Variants in AKR1C8 observed in about 807,000 individuals in gnomAD.
The protein encoded by AKR1C8 is aldo-keto reductase family 1 member C8, also known as aldo-keto reductase family 1 member C-like protein 1.
At chr10:5,129,302 T>A in the AKR1C8 span, among the ~76,000 whole-genome samples, 2 of 152,040 alleles carry the variant, frequency 1.3e-5, no homozygotes, top group Non-Finnish European at 2.9e-5. Context: ...TTCATATCAT[T>A]AAATGCCTAC....
the AKR1C8 span, among the ~76,000 whole-genome samples, chr10:5,144,986 A>G: frequency 6.6e-6 from 1 of 151,790 alleles, no homozygotes; most frequent in South Asian, 2.1e-4. Flanking sequence ...TTGCCCATTC[A>G]GTATGATATT....
chr10:5,178,846 T>C, the AKR1C8 span, among the ~76,000 whole-genome samples: 1 of 152,128 alleles, frequency 6.6e-6, no homozygotes, highest in Admixed American at 6.5e-5. Context: ...TCTTCCTCCA[T>C]CCTTTTATTT....
the AKR1C8 span, chr10:5,159,893 G>A: frequency 5.8e-6 from 3 of 519,318 alleles, no homozygotes; most frequent in Non-Finnish European, 1.2e-5. Context: ...CTGGTTGCAG[G>A]TGGGCTTGTA....
the AKR1C8 span, among the ~76,000 whole-genome samples, chr10:5,179,980 A>G: frequency 6.6e-6 from 1 of 152,202 alleles, no homozygotes; most frequent in Non-Finnish European, 1.5e-5. Flanking sequence ...AACTTGTCAA[A>G]GTCATTCTCC....
the AKR1C8 span, chr10:5,123,763 C>T: frequency 3.7e-5 from 59 of 1,613,402 alleles, no homozygotes; most frequent in Non-Finnish European, 4.9e-5. Context: ...AGAACAATGT[C>T]TTTTGACTTG....
the AKR1C8 span, among the ~76,000 whole-genome samples, chr10:5,156,539 T>G: frequency 6.6e-6 from 1 of 151,772 alleles, no homozygotes; most frequent in African/African-American, 2.4e-5. Context: ...TATCTATCTA[T>G]CTATCTATCT....
At chr10:5,166,082 G>A in the AKR1C8 span, among the ~76,000 whole-genome samples, 190 of 151,972 alleles carry the variant, frequency 1.3e-3, no homozygotes, top group South Asian at 9.4e-3. Flanking sequence ...GAGACTAAGG[G>A]ACATCTTTTC....
At chr10:5,180,012 G>A in the AKR1C8 span, among the ~76,000 whole-genome samples, 1 of 152,190 alleles carries the variant, frequency 6.6e-6, no homozygotes. Context: ...TTCCGTTGCT[G>A]GTGAGGAACT....
chr10:5,178,385 G>A, the AKR1C8 span, among the ~76,000 whole-genome samples: 9 of 152,306 alleles, frequency 5.9e-5, no homozygotes, highest in African/African-American at 1.2e-4. Flanking sequence ...TTGCTGAGGA[G>A]AGCTTTGCTT....
chr10:5,174,567 G>T, the AKR1C8 span, among the ~76,000 whole-genome samples: 183 of 152,042 alleles, frequency 1.2e-3, 1 homozygote, highest in African/African-American at 4.3e-3. Flanking sequence ...TGAGGACATA[G>T]AGAAATAACC....
the AKR1C8 span, among the ~76,000 whole-genome samples, chr10:5,116,290 A>G: frequency 1.3e-5 from 2 of 152,028 alleles, no homozygotes; most frequent in Admixed American, 6.5e-5. Context: ...ACTGTCTTTC[A>G]GTTTAATGGA....
chr10:5,143,109 ACT>A, the AKR1C8 span, among the ~76,000 whole-genome samples: 1 of 152,004 alleles, frequency 6.6e-6, no homozygotes, highest in African/African-American at 2.4e-5. Flanking sequence ...TGTGAGGATG[ACT>A]CTGCATGATA....
At chr10:5,165,054 T>TA in the AKR1C8 span, among the ~76,000 whole-genome samples, 1 of 152,206 alleles carries the variant, frequency 6.6e-6, no homozygotes, top group East Asian at 1.9e-4. Context: ...TGTGATTCCC[T>TA]AGAAACAAGG....
the AKR1C8 span, among the ~76,000 whole-genome samples, chr10:5,139,331 C>A: frequency 3.3e-5 from 5 of 152,176 alleles, no homozygotes; most frequent in African/African-American, 9.7e-5. Context: ...AAAAAAGAGC[C>A]TGCATTGCCA....
the AKR1C8 span, among the ~76,000 whole-genome samples, chr10:5,166,065 GAAGA>G: frequency 3.3e-5 from 5 of 152,004 alleles, no homozygotes; most frequent in South Asian, 2.1e-4. Flanking sequence ...ACTCTAAAAA[GAAGA>G]AAGAGACTAA....
At chr10:5,170,648 G>A in the AKR1C8 span, among the ~76,000 whole-genome samples, 408 of 152,172 alleles carry the variant, frequency 2.7e-3, 3 homozygotes, top group African/African-American at 9.4e-3. Context: ...ACTTACCATG[G>A]ATCAGAAACC....
chr10:5,166,357 T>C, the AKR1C8 span, among the ~76,000 whole-genome samples: 3 of 152,166 alleles, frequency 2.0e-5, no homozygotes, highest in Non-Finnish European at 4.4e-5. Flanking sequence ...AAAACAAAGC[T>C]GGAGGCATCA....
At chr10:5,131,625 A>G in the AKR1C8 span, among the ~76,000 whole-genome samples, 1 of 152,146 alleles carries the variant, frequency 6.6e-6, no homozygotes, top group Non-Finnish European at 1.5e-5. Context: ...TTAAAACCAC[A>G]GTGAGACACC....
the AKR1C8 span, among the ~76,000 whole-genome samples, chr10:5,182,903 T>A: frequency 6.7e-6 from 1 of 149,396 alleles, no homozygotes; most frequent in Admixed American, 6.7e-5. Flanking sequence ...GAGCAGACTC[T>A]GTCTCAAAAA....
Sources: gnomAD v4.1 joint callset for allele counts (sites outside exome capture counted in the v4.1 genomes callset) on GRCh38, gnomAD v4.1.1 for gene constraint, MANE v1.5 for transcripts, NCBI Gene and HGNC (gene_info 2026-07-23, HGNC 2026-07-21) for gene names.